The following ITPR1 variants were observed in gnomAD, a reference collection of about 807,000 sequenced individuals.
ITPR1 encodes inositol 1,4,5-trisphosphate-gated calcium channel ITPR1.
In ITPR1, 96 loss-of-function variants were observed where a neutral mutation model predicts 318.4. The ratio of observed to expected loss-of-function variants is 0.30; its 90% confidence interval spans 0.26 to 0.36. The LOEUF (loss-of-function observed/expected upper bound fraction) is 0.36. ITPR1 is among the 10% of genes least tolerant of loss of function. ITPR1 has a pLI of 1.00. For missense variants in ITPR1, 2,440 were observed against 3,460.2 expected (o/e 0.71, Z 7.40); for synonymous variants, 1,312 against 1,289.9 (o/e 1.02, Z -0.37).
intron 21 of ITPR1, 115 bp from the exon 22 acceptor site, chr3:4,674,087 G>C (rs781707554): frequency 1.4e-5 from 10 of 735,272 alleles, no homozygotes; most frequent in Admixed American, 3.1e-5. Context: ...AAATAAAGTA[G>C]GGTCAAGGGA....
At chr3:4,767,049 C>G (rs1267199220) in intron 45 of ITPR1, among the ~76,000 whole-genome samples, 5 of 152,208 alleles carry the variant, frequency 3.3e-5, no homozygotes, top group African/African-American at 1.2e-4. Flanking sequence ...AGTCCTTTGT[C>G]AGATAATGTT....
chr3:4,782,525 T>C (rs2046902284), intron 49 of ITPR1, 94 bp from the exon 50 acceptor site: 1 of 1,339,244 alleles, frequency 7.5e-7, no homozygotes, highest in African/African-American at 1.5e-5. Context: ...GCCTTTTCCC[T>C]GGGAGGGGAG....
intron 4 of ITPR1, among the ~76,000 whole-genome samples, chr3:4,536,192 T>G (rs2124963571): frequency 6.6e-6 from 1 of 152,358 alleles, no homozygotes; most frequent in African/African-American, 2.4e-5. Context: ...TATCACTGAT[T>G]GGAAACATTG....
chr3:4,728,405 A>G (rs1404153361), intron 42 of ITPR1, among the ~76,000 whole-genome samples: 1 of 152,304 alleles, frequency 6.6e-6, no homozygotes, highest in East Asian at 1.9e-4. Context: ...TGTCATTATG[A>G]AGACTGTCTT....
rs115436716 is a variant in ITPR1, at chr3:4,818,779, G to A, written c.8028+537G>A. On this transcript the variant is annotated intron_variant, in intron 60 of 61. Transcript: ENST00000649015. ...GTTCCAAATTAATCTTTTCGCTGAT[G>A]GGAAGTGTGGATACTGTGTCCCAGG... Among the ~76,000 whole-genome samples the A allele has an allele frequency of 2.2e-3, 330 of 152,260 alleles. 2 individuals carry two copies. Among genetic ancestry groups the A allele is most frequent in the African/African-American group, 7.7e-3 (319 of 41,542 alleles).
intron 2 of ITPR1, among the ~76,000 whole-genome samples, chr3:4,505,949 T>G (rs2081365019): frequency 6.6e-6 from 1 of 152,170 alleles, no homozygotes; most frequent in African/African-American, 2.4e-5. Flanking sequence ...CCTAAGAAGT[T>G]TAGAAAGAGT....
chr3:4,516,833 T>C (rs769176795), intron 3 of ITPR1, among the ~76,000 whole-genome samples: 22 of 152,224 alleles, frequency 1.4e-4, no homozygotes, highest in Non-Finnish European at 2.9e-4. Context: ...TAAAATTTGC[T>C]TTTCCTTTCT....
chr3:4,494,203 G>A (rs1019099966), intron 1 of ITPR1, among the ~76,000 whole-genome samples: 5 of 152,358 alleles, frequency 3.3e-5, no homozygotes, highest in African/African-American at 1.2e-4. Context: ...TTCGAAGTTT[G>A]TGCGTGCCTA....
chr3:4,539,813 T>G (rs975007925), intron 4 of ITPR1, among the ~76,000 whole-genome samples: 1 of 152,158 alleles, frequency 6.6e-6, no homozygotes, highest in African/African-American at 2.4e-5. Context: ...GGATACCCTG[T>G]GCTGCCGAGG....
intron 7 of ITPR1, among the ~76,000 whole-genome samples, chr3:4,643,443 A>T (rs971686960): frequency 1.3e-5 from 2 of 152,174 alleles, no homozygotes; most frequent in Non-Finnish European, 2.9e-5. Context: ...GATGAGATGG[A>T]CTTGAATTTA....
intron 44 of ITPR1, among the ~76,000 whole-genome samples, chr3:4,755,783 TG>T (rs1341927940): frequency 6.6e-6 from 1 of 152,234 alleles, no homozygotes; most frequent in East Asian, 1.9e-4. Flanking sequence ...TAGTTGAAAC[TG>T]GTTTGTCTCT....
intron 51 of ITPR1, among the ~76,000 whole-genome samples, chr3:4,787,214 G>A (rs1004123794): frequency 6.6e-6 from 1 of 151,518 alleles, no homozygotes; most frequent in African/African-American, 2.4e-5. Context: ...AACACAGAGT[G>A]AATTGATCCA....
intron 4 of ITPR1, among the ~76,000 whole-genome samples, chr3:4,620,548 G>A (rs904034590): frequency 1.3e-5 from 2 of 152,160 alleles, no homozygotes; most frequent in African/African-American, 4.8e-5. Flanking sequence ...AGAAACAGAG[G>A]CCTCACTTTA....
chr3:4,761,478 A>G (rs60179040), intron 44 of ITPR1, among the ~76,000 whole-genome samples: 27,162 of 152,064 alleles, frequency 0.18, 3,562 homozygotes, highest in East Asian at 0.41. Flanking sequence ...TCCATGTTTT[A>G]TATGTACCAC....
At chr3:4,620,416 C>G (rs1411876993) in intron 4 of ITPR1, among the ~76,000 whole-genome samples, 1 of 152,196 alleles carries the variant, frequency 6.6e-6, no homozygotes, top group South Asian at 2.1e-4. Flanking sequence ...GTGTTTTCAT[C>G]CAATCCTCCG....
At position 4,725,418 on chromosome 3, in the gene ITPR1, C is replaced by A. The variant is rs1054875520; in HGVS notation, c.5137-128C>A. 4.4e-5 allele frequency: 33 copies of A among 742,190 alleles called. 1 individual carries two copies. The highest frequency in any genetic ancestry group is 4.5e-4 in the Middle Eastern group (2 of 4,400). 46.0% of individuals were successfully genotyped at this position (742,190 alleles called of 1,614,324 possible). On this transcript the variant is annotated intron_variant, in intron 40 of 61. Transcript: ENST00000649015. ...GCTGAAGCCCACTTCGGCAGGTGATCCAGCAGGGTTGCCTCATCTCTGATC... is the reference window on the plus strand; with the variant it reads ...GCTGAAGCCCACTTCGGCAGGTGATACAGCAGGGTTGCCTCATCTCTGATC...
At chr3:4,715,708 C>T (rs1273447225) in intron 39 of ITPR1, among the ~76,000 whole-genome samples, 1 of 152,142 alleles carries the variant, frequency 6.6e-6, no homozygotes, top group Non-Finnish European at 1.5e-5. Flanking sequence ...CAAAAATTAG[C>T]CTGACGTGGT....
At chr3:4,609,068 A>ATATATG (rs1313683067) in intron 4 of ITPR1, among the ~76,000 whole-genome samples, 3 of 94,558 alleles carry the variant, frequency 3.2e-5, no homozygotes, top group Admixed American at 2.1e-4. Flanking sequence ...ATATATATAT[A>ATATATG]TATATATATA....
chr3:4,586,163 A>G (rs2089879293), intron 4 of ITPR1, among the ~76,000 whole-genome samples: 1 of 152,180 alleles, frequency 6.6e-6, no homozygotes, highest in Non-Finnish European at 1.5e-5. Flanking sequence ...AATCCAGTCT[A>G]TCACTGATGG....
Sources: allele counts gnomAD v4.1 joint callset (sites outside exome capture counted in the v4.1 genomes callset), GRCh38; gene constraint gnomAD v4.1.1; transcripts MANE v1.5; gene names NCBI Gene and HGNC (gene_info 2026-07-23, HGNC 2026-07-21).